LRRC4C: variants seen among roughly 807,000 people sequenced by gnomAD.
The protein encoded by LRRC4C is leucine-rich repeat-containing protein 4C.
In LRRC4C, 5 loss-of-function variants were observed where a neutral mutation model predicts 33.6. The observed-to-expected ratio is 0.15, with a 90% CI of 0.08 to 0.31. The LOEUF (loss-of-function observed/expected upper bound fraction) is 0.31, where lower values mean the gene tolerates loss of function less well. LRRC4C is among the 10% of genes least tolerant of loss of function. The probability of loss-of-function intolerance (pLI) is 1.00; values close to 1 mark genes in which losing one functional copy is unlikely to be tolerated. For synonymous variants in LRRC4C, 329 were observed against 302.0 expected (o/e 1.09, Z -0.93); for missense variants, 560 against 796.7 (o/e 0.70, Z 3.58).
At chr11:40,671,972 T>C (rs1387366357) in intron 2 of LRRC4C, among the ~76,000 whole-genome samples, 2 of 152,212 alleles carry the variant, frequency 1.3e-5, no homozygotes, top group African/African-American at 2.4e-5. Flanking sequence ...GATAAGTTTC[T>C]TTCTTGTCTC....
intron 1 of LRRC4C, among the ~76,000 whole-genome samples, chr11:41,390,065 G>A (rs1371304273): frequency 6.6e-6 from 1 of 151,822 alleles, no homozygotes; most frequent in African/African-American, 2.4e-5. Flanking sequence ...TCCAGAACTT[G>A]CATTTTAAAA....
intron 3 of LRRC4C, among the ~76,000 whole-genome samples, chr11:40,408,063 T>G (rs1042128635): frequency 1.3e-5 from 2 of 152,042 alleles, no homozygotes; most frequent in African/African-American, 4.8e-5. Flanking sequence ...TTTCTTTGTA[T>G]TAAAACCCTA....
intron 4 of LRRC4C, among the ~76,000 whole-genome samples, chr11:40,254,546 C>G (rs191033951): frequency 9.7e-4 from 148 of 152,308 alleles, no homozygotes; most frequent in Non-Finnish European, 1.2e-3. Context: ...TTAGGTCTAT[C>G]TATTCAACTC....
intron 2 of LRRC4C, among the ~76,000 whole-genome samples, chr11:40,846,605 T>G (rs945050594): frequency 6.6e-6 from 1 of 151,740 alleles, no homozygotes; most frequent in African/African-American, 2.4e-5. Context: ...GCTTCCAGCT[T>G]TGTTTTTTTG....
At chr11:40,708,074 T>G (rs2136553541) in intron 2 of LRRC4C, among the ~76,000 whole-genome samples, 1 of 152,288 alleles carries the variant, frequency 6.6e-6, no homozygotes, top group African/African-American at 2.4e-5. Flanking sequence ...TTATCATTTT[T>G]TATTGCATCT....
At chr11:40,817,831 C>G (rs1227635104) in intron 2 of LRRC4C, among the ~76,000 whole-genome samples, 1 of 152,138 alleles carries the variant, frequency 6.6e-6, no homozygotes, top group East Asian at 1.9e-4. Context: ...TTTTCCCTAA[C>G]TTTATCATAA....
chr11:40,480,929 G>T (rs561971345), intron 3 of LRRC4C, among the ~76,000 whole-genome samples: 9 of 152,086 alleles, frequency 5.9e-5, no homozygotes, highest in African/African-American at 1.7e-4. Context: ...GGGCCTGAGG[G>T]TGGAAAAGTG....
chr11:41,088,140 T>A (rs899234545), intron 1 of LRRC4C, among the ~76,000 whole-genome samples: 2 of 152,076 alleles, frequency 1.3e-5, no homozygotes, highest in Non-Finnish European at 2.9e-5. Flanking sequence ...GAACATGGAA[T>A]TTGGACTTGA....
chr11:41,130,121 C>T (rs1255405225), intron 1 of LRRC4C, among the ~76,000 whole-genome samples: 1 of 151,940 alleles, frequency 6.6e-6, no homozygotes, highest in Admixed American at 6.6e-5. Flanking sequence ...TGCCTCCTTA[C>T]TGCTCATTCC....
In LRRC4C at chr11:40,114,328, CTTTT is replaced by C. The variant is rs371765675; in HGVS notation, c.*38_*41del. On this transcript the variant is annotated 3_prime_UTR_variant, in exon 7 of 7. Coordinates refer to ENST00000528697, the MANE Select transcript of LRRC4C (RefSeq NM_001258419.2). Reference sequence around the variant, plus strand: ...ATTTGTGTCATTTTTAATAAACTGTCTTTTTTTTTGATTGTTTGTTTTTTGTAAC... The same window carrying C: ...ATTTGTGTCATTTTTAATAAACTGTCTTTTTGATTGTTTGTTTTTTGTAAC... 2.0e-6 allele frequency: 3 copies of C among 1,490,428 alleles called. No homozygotes were observed. The African/African-American group carries it at 4.2e-5, about 21-fold the overall frequency. 92.3% of individuals were successfully genotyped at this position (1,490,428 alleles called of 1,614,324 possible).
chr11:40,500,946 G>A (rs543262262), intron 3 of LRRC4C, among the ~76,000 whole-genome samples: 21 of 152,006 alleles, frequency 1.4e-4, no homozygotes, highest in African/African-American at 5.1e-4. Flanking sequence ...TCAAAAGAAA[G>A]TTAGTTACTT....
chr11:41,076,361 G>A (rs1464255474), intron 1 of LRRC4C, among the ~76,000 whole-genome samples: 4 of 152,086 alleles, frequency 2.6e-5, no homozygotes, highest in South Asian at 2.1e-4. Context: ...TCTAAGACTG[G>A]GTAATTGATG....
At chr11:40,999,854 T>C (rs1485945539) in intron 1 of LRRC4C, among the ~76,000 whole-genome samples, 2 of 152,022 alleles carry the variant, frequency 1.3e-5, no homozygotes, top group South Asian at 2.1e-4. Flanking sequence ...GGAAAAGAGG[T>C]AACATTGGAC....
Position 41,396,777 on chromosome 11 carries a change from G to A in LRRC4C, c.-496+62654C>T, listed in dbSNP as rs541042801. The stretch of plus-strand genomic sequence containing the variant: ...CTAAGCAATATCATTCAAGAAACAG[G>A]CACGGGCAAAGATTTCATGATGAAG... On this transcript the variant is annotated intron_variant, in intron 1 of 6. Transcript: ENST00000528697. Among the ~76,000 whole-genome samples the A allele has an allele frequency of 8.4e-4, 127 of 152,002 alleles. 1 individual carries two copies. The highest frequency in any genetic ancestry group is 3.0e-3 in the African/African-American group (125 of 41,488).
At chr11:40,679,520 C>T (rs550957836) in intron 2 of LRRC4C, among the ~76,000 whole-genome samples, 1 of 152,282 alleles carries the variant, frequency 6.6e-6, no homozygotes, top group East Asian at 1.9e-4. Context: ...ATGGGCTGGG[C>T]CCAGGATCCC....
intron 2 of LRRC4C, among the ~76,000 whole-genome samples, chr11:40,862,859 T>C (rs1954169592): frequency 6.6e-6 from 1 of 152,198 alleles, no homozygotes; most frequent in Non-Finnish European, 1.5e-5. Flanking sequence ...CCAAAAATGC[T>C]GTACATTGCT....
At chr11:41,074,627 G>C (rs118167248) in intron 1 of LRRC4C, among the ~76,000 whole-genome samples, 2 of 152,186 alleles carry the variant, frequency 1.3e-5, no homozygotes, top group East Asian at 3.8e-4. Flanking sequence ...TCAGTACTTA[G>C]AGTAAATTGC....
chr11:41,071,842 C>T (rs1165694532), intron 1 of LRRC4C, among the ~76,000 whole-genome samples: 4 of 152,134 alleles, frequency 2.6e-5, no homozygotes, highest in African/African-American at 4.8e-5. Flanking sequence ...AAGGTGTCAA[C>T]ATGGCAGTAT....
At chr11:40,972,770 T>C (rs1851815780) in intron 1 of LRRC4C, among the ~76,000 whole-genome samples, 1 of 152,132 alleles carries the variant, frequency 6.6e-6, no homozygotes, top group African/African-American at 2.4e-5. Context: ...ATATAATCAC[T>C]TCCCACAGGT....
Sources: gnomAD v4.1 joint callset for allele counts (sites outside exome capture counted in the v4.1 genomes callset) on GRCh38, gnomAD v4.1.1 for gene constraint, MANE v1.5 for transcripts, NCBI Gene and HGNC (gene_info 2026-07-23, HGNC 2026-07-21) for gene names.